Variants in THBS4 observed in about 807,000 individuals in gnomAD.
THBS4 encodes the protein thrombospondin 4, also known as thrombospondin-4.
In THBS4, 90 loss-of-function variants were observed where a neutral mutation model predicts 115.7. The ratio of observed to expected loss-of-function variants is 0.78; its 90% confidence interval spans 0.66 to 0.93. The LOEUF is 0.93. Among genes scored for constraint, THBS4 ranks in the 40% least tolerant of loss-of-function variants. THBS4 has a pLI of 0.00. For missense variants in THBS4, 1,087 were observed against 1,232.7 expected, an observed-to-expected ratio of 0.88 and a Z score of 1.77; for synonymous variants, 460 against 479.3, an observed-to-expected ratio of 0.96 and a Z score of 0.53.
Position 80,073,130 on chromosome 5 carries a change from GTGT to G in THBS4, c.1840-141_1840-139del. The G allele has an allele frequency of 5.4e-6, 4 of 742,196 alleles. No individual in the cohort carries two copies. The South Asian group carries it at 6.3e-5, about 12-fold the overall frequency. The allele number at this position is 742,196 out of a possible 1,614,324, so 46.0% of individuals were successfully genotyped here. A position where few individuals can be genotyped will look rare whatever the true frequency, so the allele number is the denominator to read the frequency against. On this transcript the variant is annotated intron_variant, in intron 14 of 21. Transcript: ENST00000350881. ...TCAGCATTGTGCCTACACCAATATG[GTGT>G]TGTCCTTTTGCAGTTTTGCACCACC...
At chr5:80,081,310 C>CT (rs1244596919) in intron 20 of THBS4, among the ~76,000 whole-genome samples, 9 of 152,280 alleles carry the variant, frequency 5.9e-5, no homozygotes, top group Non-Finnish European at 1.3e-4. Flanking sequence ...CCCAATGCCC[C>CT]TTTTTTATTA....
chr5:80,034,825 C>G (rs915587424), upstream of THBS4, among the ~76,000 whole-genome samples: 3 of 152,136 alleles, frequency 2.0e-5, no homozygotes, highest in African/African-American at 7.2e-5. Context: ...TCAAGAAAAG[C>G]TTGAAGAAAT....
upstream of THBS4, among the ~76,000 whole-genome samples, chr5:80,032,683 A>G (rs893351181): frequency 6.6e-6 from 1 of 152,244 alleles, no homozygotes; most frequent in Non-Finnish European, 1.5e-5. Context: ...GGAAGCATCC[A>G]GCACAGAAAA....
At position 80,045,553 on chromosome 5, in the gene THBS4, G is replaced by A. The variant is rs376988289; in HGVS notation, c.292+5273G>A. 2.6e-4 allele frequency among the ~76,000 whole-genome samples: 38 copies of A among 145,292 alleles called. No homozygotes were observed. The East Asian group carries it at 5.2e-3, about 20-fold the overall frequency. On this transcript the variant is annotated intron_variant, in intron 2 of 21. Transcript: ENST00000350881. The stretch of plus-strand genomic sequence containing the variant: ...AGTCTTTTTTTTTTTTTTTTGAGAC[G>A]GAGTTTTGCTCTTGTTGCCCAGGTT...
chr5:79,996,079 G>C (rs1831787683), intron 1 of THBS4, among the ~76,000 whole-genome samples: 1 of 152,132 alleles, frequency 6.6e-6, no homozygotes, highest in Admixed American at 6.5e-5. Context: ...AGAGGTTGCA[G>C]TGAGCTAAGA....
chr5:80,028,178 C>A (rs911899965), intron 2 of THBS4, among the ~76,000 whole-genome samples: 2 of 151,970 alleles, frequency 1.3e-5, no homozygotes, highest in Admixed American at 6.6e-5. Flanking sequence ...AGCAAGACAT[C>A]CCCACCCCAC....
chr5:80,067,955 G>A lies in THBS4; in HGVS notation c.1195-18G>A. The A allele has an allele frequency of 6.2e-7, 1 of 1,612,838 alleles. No homozygotes were observed. On this transcript the variant is annotated intron_variant, in intron 9 of 21. Transcript: ENST00000350881. ...GCCCACAGCTTTCAGCTCATCACCT[G>A]ATCTTTGTTCCTTGCAGGGATCTTA...
intron 2 of THBS4, among the ~76,000 whole-genome samples, chr5:80,013,797 G>T (rs1181474510): frequency 6.6e-6 from 1 of 152,128 alleles, no homozygotes; most frequent in Non-Finnish European, 1.5e-5. Context: ...CTTTCACAAG[G>T]CTATTGTGAG....
At position 80,050,234 on chromosome 5, in the gene THBS4, T is replaced by TA. The variant is rs142923843; in HGVS notation, c.293-5549dup. ...CAGGGGAATTGCAATGGAGAAAGGG[T>TA]AATTCACGTAGAGCTGGCTGTGTGG... On this transcript the variant is annotated intron_variant, in intron 2 of 21. Transcript: ENST00000350881. Among the ~76,000 whole-genome samples the TA allele has an allele frequency of 2.1e-3, 314 of 152,278 alleles. 1 individual carries two copies. The highest frequency in any genetic ancestry group is 7.2e-3 in the African/African-American group (299 of 41,556).
At chr5:80,061,488 A>G (rs1403079854) in intron 7 of THBS4, among the ~76,000 whole-genome samples, 1 of 152,234 alleles carries the variant, frequency 6.6e-6, no homozygotes, top group Admixed American at 6.5e-5. Flanking sequence ...ATTATTCTAC[A>G]GCACAGCAAA....
At chr5:80,064,879 C>A (rs1833760230) in intron 8 of THBS4, among the ~76,000 whole-genome samples, 1 of 151,200 alleles carries the variant, frequency 6.6e-6, no homozygotes. Flanking sequence ...AGTTCATGGG[C>A]TAGGAGGTGA....
rs1337584655 is a variant in THBS4, at chr5:80,058,284, CAG to C, written c.622_623del (p.Ser208Ter). The C allele has an allele frequency of 1.3e-6, 2 of 1,568,212 alleles. No individual in the cohort carries two copies. Among genetic ancestry groups the C allele is most frequent in the Non-Finnish European group, 1.7e-6 (2 of 1,155,548 alleles). On this transcript the variant is annotated frameshift_variant, in exon 4 of 22. Coordinates refer to ENST00000350881, the MANE Select transcript of THBS4 (RefSeq NM_003248.6). LOFTEE classifies it high-confidence loss of function. Reference sequence around the variant, plus strand: ...CAGCCTGCAAGACTGCTTCCTGCAGCAGAGTGAGCCACTGGCTGCCACAGGCA... The same window carrying C: ...CAGCCTGCAAGACTGCTTCCTGCAGCAGTGAGCCACTGGCTGCCACAGGCA... ...VASLQDCFLQ[Q>X]SEPLAATGTG... is the part of the protein sequence containing the mutation.
chr5:80,000,284 A>G (rs1436513635), intron 2 of THBS4, among the ~76,000 whole-genome samples: 1 of 152,236 alleles, frequency 6.6e-6, no homozygotes, highest in Non-Finnish European at 1.5e-5. Context: ...GACACAAAAC[A>G]TATTCAACTA....
intron 10 of THBS4, 60 bp downstream of exon 10, chr5:80,068,185 C>G (rs1339974213): frequency 3.1e-6 from 5 of 1,590,028 alleles, no homozygotes; most frequent in Non-Finnish European, 1.7e-6. Flanking sequence ...CACCACCTCT[C>G]TCCAGTTTCT....
At position 80,059,420 on chromosome 5, in the gene THBS4, T is replaced by A. The variant is rs958548663; in HGVS notation, c.733-20T>A. Reference sequence around the variant, plus strand: ...CAGGCATTCCTTTTCAATCCTTTTTTCCCCTTCTCATTTTTAAAGGTTAAG... The same window carrying A: ...CAGGCATTCCTTTTCAATCCTTTTTACCCCTTCTCATTTTTAAAGGTTAAG... On this transcript the variant is annotated intron_variant, in intron 5 of 21. Transcript: ENST00000350881. 6.2e-7 allele frequency: 1 copy of A among 1,612,678 alleles called. No homozygotes were observed.
intron 2 of THBS4, among the ~76,000 whole-genome samples, chr5:80,043,627 A>G (rs1832973181): frequency 6.6e-6 from 1 of 152,200 alleles, no homozygotes; most frequent in Admixed American, 6.5e-5. Flanking sequence ...ACTACACAGC[A>G]TCAAAGAGCA....
intron 2 of THBS4, among the ~76,000 whole-genome samples, chr5:79,999,931 A>G (rs1446388544): frequency 6.6e-6 from 1 of 152,214 alleles, no homozygotes; most frequent in African/African-American, 2.4e-5. Flanking sequence ...AAGAGGAAAG[A>G]ACAGGGTCCA....
At chr5:80,055,393 C>T (rs1011428813) in intron 2 of THBS4, among the ~76,000 whole-genome samples, 1 of 151,696 alleles carries the variant, frequency 6.6e-6, no homozygotes, top group African/African-American at 2.4e-5. Flanking sequence ...CATGGTAGTG[C>T]TCAGCAAGTG....
intron 2 of THBS4, among the ~76,000 whole-genome samples, chr5:80,030,170 C>T (rs1580924628): frequency 6.6e-6 from 1 of 152,006 alleles, no homozygotes; most frequent in African/African-American, 2.4e-5. Context: ...AATGTCATCA[C>T]ACGGTAGAAT....
Sources: gnomAD v4.1 joint callset for allele counts (sites outside exome capture counted in the v4.1 genomes callset) on GRCh38, gnomAD v4.1.1 for gene constraint, MANE v1.5 for transcripts, NCBI Gene and HGNC (gene_info 2026-07-23, HGNC 2026-07-21) for gene names.